The following ZNF644 variants were observed in gnomAD, a reference collection of about 807,000 sequenced individuals.
ZNF644 encodes the protein zinc finger protein 644.
In ZNF644, 20 loss-of-function variants were observed where a neutral mutation model predicts 108.0. The ratio of observed to expected loss-of-function variants is 0.19; its 90% CI spans 0.13 to 0.27. The LOEUF (loss-of-function observed/expected upper bound fraction) is 0.27. Among genes scored for constraint, ZNF644 ranks in the 10% least tolerant of loss-of-function variants. The probability of loss-of-function intolerance (pLI) is 1.00; values close to 1 mark genes in which losing one functional copy is unlikely to be tolerated. For synonymous variants in ZNF644, 542 were observed against 539.1 expected (o/e 1.01, Z -0.08); for missense variants, 1,338 against 1,548.9 (o/e 0.86, Z 2.29).
Position 90,937,665 on chromosome 1 carries a change from T to C in ZNF644, c.3508A>G (p.Thr1170Ala), listed in dbSNP as rs764805417. Reference sequence around the variant, plus strand: ...TTATTTTTAAGAAGTTCTATGAGTGTAAGAGACTGATTCTTTTTCCCACTG... The same window carrying C: ...TTATTTTTAAGAAGTTCTATGAGTGCAAGAGACTGATTCTTTTTCCCACTG... ...LPSGKKNQSLTLIELLKNKRM... is the reference protein window; with the variant it reads ...LPSGKKNQSLALIELLKNKRM... The change falls in exon 4 of 6, where the codon ACA (threonine) becomes GCA (alanine). Residue 1170 changes from threonine (T) to alanine (A), a missense_variant. This residue lies in a region of ZNF644 where 287 missense variants were observed against 310.9 expected (regional missense o/e 0.92). Transcript: ENST00000337393. 1 of 1,613,994 alleles carries C rather than the reference T, an allele frequency of 6.2e-7. No individual in the cohort carries two copies. Among genetic ancestry groups the C allele is most frequent in the East Asian group, 2.2e-5 (1 of 44,864 alleles).
At position 90,938,109 on chromosome 1, in the gene ZNF644, G is replaced by C. The variant is rs764285408; in HGVS notation, c.3083-19C>G. The C allele has an allele frequency of 1.2e-6, 2 of 1,610,298 alleles. No homozygotes were observed. Among genetic ancestry groups the C allele is most frequent in the South Asian group, 1.1e-5 (1 of 90,880 alleles). The stretch of plus-strand genomic sequence containing the variant: ...TCTATAGCTAGAAAAAAATTTTTAA[G>C]AGTAATATCAGACTTTCTTATATAA... On this transcript the variant is annotated intron_variant, in intron 3 of 5. Transcript: ENST00000337393. This position sits in a 1 kb window ranked among gnomAD's most constrained non-coding sequence, Gnocchi z 4.2.
intron 4 of ZNF644, among the ~76,000 whole-genome samples, chr1:90,919,693 A>G (rs1425225891): frequency 6.6e-6 from 1 of 152,126 alleles, no homozygotes; most frequent in Non-Finnish European, 1.5e-5. Flanking sequence ...ACTCTGGAAT[A>G]GAAAAATCTT....
At chr1:90,971,423 CT>C (rs895077456) in intron 2 of ZNF644, among the ~76,000 whole-genome samples, 1 of 150,372 alleles carries the variant, frequency 6.7e-6, no homozygotes, top group African/African-American at 2.4e-5. Context: ...TTCTTTCTTT[CT>C]TTTTTTTTGG....
chr1:90,963,224 G>A (rs1201909821), intron 2 of ZNF644, among the ~76,000 whole-genome samples: 2 of 151,998 alleles, frequency 1.3e-5, no homozygotes, highest in Non-Finnish European at 2.9e-5. Context: ...GAGAAGAGAC[G>A]TTGCAAAAAT....
intron 2 of ZNF644, among the ~76,000 whole-genome samples, chr1:90,947,563 T>G (rs544712350): frequency 6.6e-6 from 1 of 152,338 alleles, no homozygotes; most frequent in East Asian, 1.9e-4. Flanking sequence ...CATTTTACTT[T>G]GAGCCTTCTG....
intron 1 of ZNF644, among the ~76,000 whole-genome samples, chr1:91,001,224 C>T (rs1275437917): frequency 6.6e-6 from 1 of 151,710 alleles, no homozygotes; most frequent in African/African-American, 2.4e-5. Context: ...CTGGCAGAGA[C>T]ACAACAAAAA....
chr1:90,916,875 C>T lies in ZNF644; in HGVS notation c.3907G>A (p.Val1303Ile), dbSNP rs767555916. The T allele has an allele frequency of 1.9e-6, 3 of 1,614,190 alleles. No individual in the cohort carries two copies. Among genetic ancestry groups the T allele is most frequent in the Non-Finnish European group, 2.5e-6 (3 of 1,180,040 alleles). The change falls in exon 6 of 6, where the codon GTC becomes ATC. Residue 1303 changes from valine (V) to isoleucine (I), a missense_variant. This residue lies in a region of ZNF644 where 34 missense variants were observed against 78.6 expected (regional missense o/e 0.43). Coordinates refer to ENST00000337393, the MANE Select transcript of ZNF644 (RefSeq NM_201269.3). ...LPRTGAGMVE[V>I]TSLLKKPASI... The stretch of plus-strand genomic sequence containing the variant: ...GCAGGCTTTTTAAGTAGTGACGTGA[C>T]TTCCACCATGCCAGCTCCAGTCCGT...
At position 90,918,129 on chromosome 1, in the gene ZNF644, T is replaced by C. The variant is rs759662040; in HGVS notation, c.3714A>G (p.Ser1238=). The C allele has an allele frequency of 3.1e-6, 5 of 1,613,936 alleles. No homozygotes were observed. The highest frequency in any genetic ancestry group is 4.2e-6 in the Non-Finnish European group (5 of 1,179,954). The change falls in exon 5 of 6, where the codon TCA becomes TCG. Residue 1238 remains serine, a synonymous_variant. Coordinates refer to ENST00000337393, the MANE Select transcript of ZNF644 (RefSeq NM_201269.3). ...HSALDCKQKK[S]RSRSGSKKKM... ...TCTTCTTGCTTCCAGATCTTGACCT[T>C]GATTTCTTTTGCTTACAATCTAAGG... is the stretch of plus-strand genomic sequence containing the variant.
In ZNF644 at chr1:90,939,909, C is replaced by T; in HGVS notation, c.1445G>A (p.Arg482His). Reference sequence around the variant, plus strand: ...TTCATCCTGAAGTTCTTTCAATTCACGAATTTCCTCCATCAACTTCTGTCT... The same window carrying T: ...TTCATCCTGAAGTTCTTTCAATTCATGAATTTCCTCCATCAACTTCTGTCT... Reference protein sequence around the residue: ...ERRQKLMEEIRELKELQDEGR... With the variant: ...ERRQKLMEEIHELKELQDEGR... Residue 482 changes from arginine (R) to histidine (H), a missense_variant, in exon 3 of 6, where the codon CGT becomes CAT. By Grantham distance (29) the Arg-to-His change is conservative (BLOSUM62 0). This residue lies in a region of ZNF644 where 80 missense variants were observed against 183.0 expected (regional missense o/e 0.44). Transcript: ENST00000337393. 2 of 1,614,022 alleles carry T rather than the reference C, an allele frequency of 1.2e-6. No individual in the cohort carries two copies. The highest frequency in any genetic ancestry group is 1.1e-5 in the South Asian group (1 of 91,074).
chr1:90,921,250 C>T (rs1276012719), intron 4 of ZNF644, among the ~76,000 whole-genome samples: 1 of 152,066 alleles, frequency 6.6e-6, no homozygotes, highest in Non-Finnish European at 1.5e-5. Context: ...AGATCACTAA[C>T]ACATTCAGTT....
intron 4 of ZNF644, among the ~76,000 whole-genome samples, chr1:90,927,364 C>A (rs1320818495): frequency 6.6e-6 from 1 of 152,110 alleles, no homozygotes; most frequent in East Asian, 1.9e-4. Flanking sequence ...ATCAGCCGAT[C>A]ATTTTTTTGT....
chr1:91,013,201 G>A (rs1251893517), intron 1 of ZNF644, among the ~76,000 whole-genome samples: 4 of 152,012 alleles, frequency 2.6e-5, no homozygotes, highest in Non-Finnish European at 5.9e-5. Context: ...AGCCTCCCAA[G>A]TAGGTGGCAT....
chr1:90,983,063 G>C (rs561666535), intron 1 of ZNF644, among the ~76,000 whole-genome samples: 1 of 151,950 alleles, frequency 6.6e-6, no homozygotes, highest in African/African-American at 2.4e-5. Context: ...TGAAAACTCA[G>C]TATGTCCCAC....
At chr1:90,995,961 GTTGT>G (rs1231701259) in intron 1 of ZNF644, among the ~76,000 whole-genome samples, 3 of 152,148 alleles carry the variant, frequency 2.0e-5, no homozygotes, top group Non-Finnish European at 4.4e-5. Context: ...ATAAATTTCT[GTTGT>G]TTGTAAGCCA....
Position 90,939,309 on chromosome 1 carries a change from T to G in ZNF644, c.2045A>C (p.His682Pro), listed in dbSNP as rs764730843. ...GCTTTTCCGAGCTTTCTGTATTCTG[T>G]GTGGCCGCTTATGAATTTTTGAAAA... is the stretch of plus-strand genomic sequence containing the variant. The part of the protein sequence containing the change: ...SSFSKIHKRP[H>P]RIQKARKSIA... The change falls in exon 3 of 6, where the codon CAC (histidine) becomes CCC (proline). Residue 682 changes from histidine (H) to proline (P), a missense_variant. His to Pro is a moderately conservative substitution (Grantham distance 77, BLOSUM62 -2). Transcript: ENST00000337393. The G allele has an allele frequency of 6.2e-7, 1 of 1,614,080 alleles. No individual in the cohort carries two copies. The highest frequency in any genetic ancestry group is 1.1e-5 in the South Asian group (1 of 91,072).
intron 4 of ZNF644, among the ~76,000 whole-genome samples, chr1:90,936,404 T>C (rs1283814158): frequency 1.3e-5 from 2 of 152,188 alleles, no homozygotes; most frequent in African/African-American, 4.8e-5. Context: ...CAGAGACTCT[T>C]TATTCGAAAG....
Position 90,941,188 on chromosome 1 carries a change from C to G in ZNF644, c.166G>C (p.Val56Leu). Residue 56 changes from valine (V) to leucine (L), a missense_variant, in exon 3 of 6, where the codon GTT (valine) becomes CTT (leucine). Physicochemically the swap from Val to Leu is conservative, Grantham distance 32 (BLOSUM62 1). Around this residue, in one of 6 missense-constraint regions of ZNF644, gnomAD observed 464 missense variants for 457.9 expected, o/e 1.01. Transcript: ENST00000337393. ...GTTTGACAATCTTTTGGCTTATGAA[C>G]TCCGCTCTCTTTGTCTGAGATAAAA... is the stretch of plus-strand genomic sequence containing the variant. Reference protein sequence around the residue: ...NNFISDKESGVHKPKDCQTSF... With the variant: ...NNFISDKESGLHKPKDCQTSF... The G allele has an allele frequency of 6.2e-7, 1 of 1,610,826 alleles. No homozygotes were observed. The highest frequency in any genetic ancestry group is 8.5e-7 in the Non-Finnish European group (1 of 1,178,862).
chr1:90,961,136 A>G (rs2101129908), intron 2 of ZNF644, among the ~76,000 whole-genome samples: 1 of 152,296 alleles, frequency 6.6e-6, no homozygotes, highest in East Asian at 1.9e-4. Flanking sequence ...CAAAACGATG[A>G]TGACGTTTCA....
intron 4 of ZNF644, among the ~76,000 whole-genome samples, chr1:90,919,243 G>A (rs1405996618): frequency 6.6e-6 from 1 of 151,954 alleles, no homozygotes; most frequent in Non-Finnish European, 1.5e-5. Flanking sequence ...TTATCTGTAG[G>A]GATCCAAGGG....
Sources: allele counts gnomAD v4.1 joint callset (sites outside exome capture counted in the v4.1 genomes callset), GRCh38; gene constraint gnomAD v4.1.1; regional missense constraint gnomAD v4.1.1; non-coding constraint Gnocchi (gnomAD v3.1); transcripts MANE v1.5; gene names NCBI Gene and HGNC (gene_info 2026-07-23, HGNC 2026-07-21).